MAGI2: variants seen among roughly 807,000 people sequenced by gnomAD.
MAGI2 encodes membrane-associated guanylate kinase, WW and PDZ domain-containing protein 2.
A neutral mutation model predicts 133.3 loss-of-function variants in MAGI2; 35 were observed. The observed-to-expected ratio is 0.26, with a 90% confidence interval of 0.20 to 0.35. The LOEUF (loss-of-function observed/expected upper bound fraction) is 0.35, where lower values mean the gene tolerates loss of function less well. Among genes scored for constraint, MAGI2 ranks in the 10% least tolerant of loss-of-function variants. The probability of loss-of-function intolerance (pLI) is 1.00; values close to 1 mark genes in which losing one functional copy is unlikely to be tolerated. For missense variants in MAGI2, 1,636 were observed against 1,863.4 expected (o/e 0.88, Z 2.25); for synonymous variants, 729 against 710.6 (o/e 1.03, Z -0.41).
intron 21 of MAGI2, among the ~76,000 whole-genome samples, chr7:78,037,361 C>T (rs1360987788): frequency 6.6e-6 from 1 of 152,138 alleles, no homozygotes; most frequent in Non-Finnish European, 1.5e-5. Flanking sequence ...TTGTGAAAGA[C>T]CCCTGCATCT....
intron 6 of MAGI2, among the ~76,000 whole-genome samples, chr7:78,384,096 A>G (rs1795169257): frequency 6.6e-6 from 1 of 151,492 alleles, no homozygotes; most frequent in Non-Finnish European, 1.5e-5. Context: ...TTTTGGTTCC[A>G]TATGAAATTT....
intron 1 of MAGI2, among the ~76,000 whole-genome samples, chr7:79,264,813 C>T (rs930070622): frequency 1.1e-4 from 17 of 150,824 alleles, no homozygotes; most frequent in Admixed American, 9.9e-4. Flanking sequence ...GAAGGGGAGC[C>T]GGAGTGTACA....
chr7:79,178,060 G>C (rs1826269864), intron 1 of MAGI2, among the ~76,000 whole-genome samples: 1 of 151,962 alleles, frequency 6.6e-6, no homozygotes, highest in Non-Finnish European at 1.5e-5. Context: ...CTTCAAAGTA[G>C]TGGTTATATC....
At chr7:79,327,399 A>T (rs556032345) in intron 1 of MAGI2, among the ~76,000 whole-genome samples, 3 of 152,264 alleles carry the variant, frequency 2.0e-5, no homozygotes, top group Admixed American at 2.0e-4. Flanking sequence ...CTGAGACGAG[A>T]TAGCGAGATT....
chr7:78,074,612 C>G (rs1027099039), intron 21 of MAGI2, among the ~76,000 whole-genome samples: 1 of 152,132 alleles, frequency 6.6e-6, no homozygotes, highest in Non-Finnish European at 1.5e-5. Flanking sequence ...TCCATTAGCA[C>G]TTTCTTTTGT....
intron 3 of MAGI2, among the ~76,000 whole-genome samples, chr7:78,612,988 AC>A (rs1806639928): frequency 6.6e-6 from 1 of 152,204 alleles, no homozygotes; most frequent in Admixed American, 6.5e-5. Context: ...CGTTTTCTAA[AC>A]TACAAGGGAC....
At chr7:79,195,443 T>C (rs567418682) in intron 1 of MAGI2, among the ~76,000 whole-genome samples, 2 of 151,970 alleles carry the variant, frequency 1.3e-5, no homozygotes, top group Non-Finnish European at 2.9e-5. Flanking sequence ...TAAAACCTTA[T>C]CAATAAAACA....
At chr7:78,699,948 A>G (rs543103869) in intron 2 of MAGI2, among the ~76,000 whole-genome samples, 2 of 152,298 alleles carry the variant, frequency 1.3e-5, no homozygotes, top group East Asian at 1.9e-4. Context: ...AAGAGAAACT[A>G]TGAAATAAAA....
intron 2 of MAGI2, among the ~76,000 whole-genome samples, chr7:78,852,127 A>T: frequency 6.6e-6 from 1 of 152,198 alleles, no homozygotes; most frequent in Non-Finnish European, 1.5e-5. Context: ...TGTATTTATT[A>T]TTCGGGGTTA....
At chr7:78,411,277 T>C (rs1344379253) in intron 6 of MAGI2, among the ~76,000 whole-genome samples, 1 of 152,016 alleles carries the variant, frequency 6.6e-6, no homozygotes, top group Non-Finnish European at 1.5e-5. Context: ...TGCAGTAAGA[T>C]AGCATCTCGT....
chr7:79,114,287 A>G (rs1014550281), intron 1 of MAGI2, among the ~76,000 whole-genome samples: 1 of 152,120 alleles, frequency 6.6e-6, no homozygotes, highest in African/African-American at 2.4e-5. Flanking sequence ...TATGAAGGAT[A>G]TTGTCTTGCA....
Position 78,033,290 on chromosome 7 carries a change from A to C in MAGI2, c.3707-13314T>G, listed in dbSNP as rs1809788870. On this transcript the variant is annotated intron_variant, in intron 21 of 21. Coordinates refer to ENST00000354212, the MANE Select transcript of MAGI2 (RefSeq NM_012301.4). ...TTCACTAGAAAACACCAGTCTGGGC[A>C]ACATAGCAAGACCCTATCGCTACAA... Among the ~76,000 whole-genome samples, 3 of 152,086 alleles carry C rather than the reference A, an allele frequency of 2.0e-5. No individual in the cohort carries two copies. In the South Asian group the frequency reaches 6.2e-4, roughly 31 times the overall value.
At chr7:79,084,008 T>G (rs1435262087) in intron 1 of MAGI2, among the ~76,000 whole-genome samples, 1 of 151,724 alleles carries the variant, frequency 6.6e-6, no homozygotes. Flanking sequence ...GTAATGACAC[T>G]CCCTTTTTAA....
In MAGI2 at chr7:78,340,372, G is replaced by C. The variant is rs187461285; in HGVS notation, c.1408+3406C>G. The stretch of plus-strand genomic sequence containing the variant: ...ACAGATTCACAGCTGAATTCTATCA[G>C]AGATACAAAGAGGAGATGGTACCAT... On this transcript the variant is annotated intron_variant, in intron 9 of 21. Coordinates refer to ENST00000354212, the MANE Select transcript of MAGI2 (RefSeq NM_012301.4). Among the ~76,000 whole-genome samples, 179 of 152,288 alleles carry C rather than the reference G, an allele frequency of 1.2e-3. 1 individual carries two copies. The highest frequency in any genetic ancestry group is 1.5e-4 in the Non-Finnish European group (10 of 68,004).
chr7:78,088,363 CT>C (rs1816844959), intron 20 of MAGI2, among the ~76,000 whole-genome samples: 1 of 152,176 alleles, frequency 6.6e-6, no homozygotes, highest in Non-Finnish European at 1.5e-5. Context: ...GTCTTTACAT[CT>C]CTCTCTCAGA....
At chr7:78,608,597 A>C (rs939549091) in intron 3 of MAGI2, among the ~76,000 whole-genome samples, 4 of 152,060 alleles carry the variant, frequency 2.6e-5, no homozygotes, top group Non-Finnish European at 5.9e-5. Flanking sequence ...ATTATTATTC[A>C]TGCTGTTGTA....
intron 6 of MAGI2, among the ~76,000 whole-genome samples, chr7:78,418,389 T>C (rs920599382): frequency 6.6e-6 from 1 of 152,080 alleles, no homozygotes; most frequent in Non-Finnish European, 1.5e-5. Context: ...AAGGTGAACA[T>C]AGCAGGAAAA....
intron 2 of MAGI2, among the ~76,000 whole-genome samples, chr7:78,816,742 A>AG (rs1258711906): frequency 6.6e-6 from 1 of 152,184 alleles, no homozygotes; most frequent in East Asian, 1.9e-4. Context: ...GAAAAAAAAA[A>AG]GATTCCTTTC....
rs577359611 is a variant in MAGI2, at chr7:78,406,144, A to G, written c.1046-36931T>C. Reference sequence around the variant, plus strand: ...CAATGTATTAAAAAGACAGTAAATTATAGATATATTAATGAACAAGAAAAA... The same window carrying G: ...CAATGTATTAAAAAGACAGTAAATTGTAGATATATTAATGAACAAGAAAAA... On this transcript the variant is annotated intron_variant, in intron 6 of 21. Transcript: ENST00000354212. Among the ~76,000 whole-genome samples, 329 of 152,144 alleles carry G rather than the reference A, an allele frequency of 2.2e-3. 2 individuals are homozygous for G. Among genetic ancestry groups the G allele is most frequent in the Non-Finnish European group, 3.9e-3 (265 of 67,918 alleles).
Sources: allele counts gnomAD v4.1 joint callset (sites outside exome capture counted in the v4.1 genomes callset), GRCh38; gene constraint gnomAD v4.1.1; transcripts MANE v1.5; gene names NCBI Gene and HGNC (gene_info 2026-07-23, HGNC 2026-07-21).